Variants in FHIT observed in about 807,000 individuals in gnomAD.
The protein encoded by FHIT is bis(5'-adenosyl)-triphosphatase.
A neutral mutation model predicts 17.9 loss-of-function variants in FHIT; 19 were observed. The ratio of observed to expected loss-of-function variants is 1.06; its 90% confidence interval spans 0.74 to 1.56. The LOEUF is 1.56. Among genes scored for constraint, FHIT ranks in the 40% most tolerant of loss-of-function variants. FHIT has a pLI of 0.00. For missense variants in FHIT, 248 were observed against 189.2 expected, an observed-to-expected ratio of 1.31 and a Z score of -1.82; for synonymous variants, 81 against 69.7, an observed-to-expected ratio of 1.16 and a Z score of -0.81.
intron 3 of FHIT, among the ~76,000 whole-genome samples, chr3:60,928,768 C>T (rs1382287019): frequency 6.6e-6 from 1 of 152,066 alleles, no homozygotes; most frequent in Non-Finnish European, 1.5e-5. Context: ...GGATTCACAG[C>T]CGAATTCTAC....
chr3:61,091,555 C>G (rs948735030), intron 2 of FHIT, among the ~76,000 whole-genome samples: 2 of 152,102 alleles, frequency 1.3e-5, no homozygotes, highest in Non-Finnish European at 2.9e-5. Context: ...GGTCAAGCAA[C>G]GCAGATCATC....
intron 4 of FHIT, among the ~76,000 whole-genome samples, chr3:60,786,872 A>C (rs1700596737): frequency 6.6e-6 from 1 of 152,074 alleles, no homozygotes; most frequent in South Asian, 2.1e-4. Context: ...ACTAAATCTG[A>C]GTATATAAAA....
chr3:60,060,256 A>T (rs1373763029), intron 5 of FHIT, among the ~76,000 whole-genome samples: 7 of 152,230 alleles, frequency 4.6e-5, no homozygotes, highest in Admixed American at 1.3e-4. Flanking sequence ...CTCTGTAAAG[A>T]AAGAAAATCT....
intron 4 of FHIT, among the ~76,000 whole-genome samples, chr3:60,775,109 A>G (rs1160364969): frequency 1.3e-5 from 2 of 152,236 alleles, no homozygotes; most frequent in Non-Finnish European, 2.9e-5. Context: ...GTTTTTTAAA[A>G]AAACACATCT....
At chr3:60,678,394 T>G (rs1290437084) in intron 4 of FHIT, among the ~76,000 whole-genome samples, 1 of 152,210 alleles carries the variant, frequency 6.6e-6, no homozygotes, top group Non-Finnish European at 1.5e-5. Context: ...AGCAACTGCA[T>G]GTTATTATAG....
intron 5 of FHIT, among the ~76,000 whole-genome samples, chr3:60,064,483 C>A (rs1205443150): frequency 6.6e-6 from 1 of 152,162 alleles, no homozygotes; most frequent in Non-Finnish European, 1.5e-5. Flanking sequence ...GACAGTACTT[C>A]TAGAATTTTG....
At chr3:60,352,210 T>C (rs1699442013) in intron 5 of FHIT, among the ~76,000 whole-genome samples, 1 of 152,184 alleles carries the variant, frequency 6.6e-6, no homozygotes, top group African/African-American at 2.4e-5. Flanking sequence ...AGCAACTTAA[T>C]TATGAGGCAA....
At chr3:60,580,402 A>T (rs981059823) in intron 4 of FHIT, among the ~76,000 whole-genome samples, 2 of 152,138 alleles carry the variant, frequency 1.3e-5, no homozygotes, top group Non-Finnish European at 2.9e-5. Flanking sequence ...TGATTTTTTA[A>T]AATCACAATA....
At chr3:60,637,184 G>C (rs1235865702) in intron 4 of FHIT, among the ~76,000 whole-genome samples, 1 of 152,156 alleles carries the variant, frequency 6.6e-6, no homozygotes, top group East Asian at 1.9e-4. Context: ...TAGGACACTT[G>C]GGTAGGAGAC....
Position 60,425,654 on chromosome 3 carries a change from T to A in FHIT, c.103+111206A>T, listed in dbSNP as rs531396094. On this transcript the variant is annotated intron_variant, in intron 5 of 9. Coordinates refer to ENST00000492590, the MANE Select transcript of FHIT (RefSeq NM_002012.4). The stretch of plus-strand genomic sequence containing the variant: ...GATGTATTCATCCACTTTTTAAAAG[T>A]GAAAAATTTTATAAAGCAAGAAACT... Among the ~76,000 whole-genome samples the A allele has an allele frequency of 2.6e-5, 4 of 152,138 alleles. No individual in the cohort carries two copies. The East Asian group carries it at 7.7e-4, about 29-fold the overall frequency.
intron 4 of FHIT, among the ~76,000 whole-genome samples, chr3:60,701,929 TA>T (rs1422874487): frequency 6.6e-6 from 1 of 152,214 alleles, no homozygotes; most frequent in East Asian, 1.9e-4. Flanking sequence ...GCTTGGAGGT[TA>T]GAAGCAAGAT....
intron 4 of FHIT, among the ~76,000 whole-genome samples, chr3:60,609,615 G>A (rs1435599072): frequency 3.9e-5 from 6 of 152,018 alleles, no homozygotes; most frequent in East Asian, 1.9e-4. Context: ...ATGAGCCACC[G>A]CGCCCAGCCC....
intron 3 of FHIT, among the ~76,000 whole-genome samples, chr3:60,875,859 C>T (rs2107095743): frequency 6.6e-6 from 1 of 150,948 alleles, no homozygotes; most frequent in African/African-American, 2.4e-5. Context: ...GAGAAGACAG[C>T]CCCCATTCTA....
chr3:61,165,719 C>G (rs1387479456), intron 2 of FHIT: 1 of 152,054 alleles, frequency 6.6e-6, no homozygotes, highest in African/African-American at 2.4e-5. Flanking sequence ...CCTGTAATAC[C>G]AGCTACTCGG....
chr3:59,798,680 C>T (rs1482758559), intron 8 of FHIT, among the ~76,000 whole-genome samples: 1 of 152,226 alleles, frequency 6.6e-6, no homozygotes, highest in Non-Finnish European at 1.5e-5. Context: ...TTTGGGAAGA[C>T]CCGCATTAGA....
At chr3:60,099,592 T>G (rs910985465) in intron 5 of FHIT, among the ~76,000 whole-genome samples, 1 of 152,160 alleles carries the variant, frequency 6.6e-6, no homozygotes, top group Non-Finnish European at 1.5e-5. Flanking sequence ...GATCCCTTTC[T>G]GAATGCCCCC....
intron 5 of FHIT, among the ~76,000 whole-genome samples, chr3:60,240,946 G>T (rs1477536165): frequency 6.6e-6 from 1 of 152,042 alleles, no homozygotes; most frequent in African/African-American, 2.4e-5. Context: ...CACACAGGAG[G>T]AATTAAGGAA....
chr3:61,212,358 G>C (rs1396743541), intron 1 of FHIT, among the ~76,000 whole-genome samples: 1 of 152,206 alleles, frequency 6.6e-6, no homozygotes, highest in Non-Finnish European at 1.5e-5. Context: ...GAAGAATGCA[G>C]AAGCCTCAGG....
chr3:59,844,702 T>C (rs1575580249), intron 8 of FHIT, among the ~76,000 whole-genome samples: 3 of 152,206 alleles, frequency 2.0e-5, no homozygotes, highest in Admixed American at 6.6e-5. Flanking sequence ...TCTTTTAATA[T>C]ACCGGTGAGT....
Sources: gnomAD v4.1 joint callset for allele counts (sites outside exome capture counted in the v4.1 genomes callset) on GRCh38, gnomAD v4.1.1 for gene constraint, MANE v1.5 for transcripts, NCBI Gene and HGNC (gene_info 2026-07-23, HGNC 2026-07-21) for gene names.